The following CRPPA variants were observed in gnomAD, a reference collection of about 807,000 sequenced individuals.
CRPPA encodes the protein CDP-L-ribitol pyrophosphorylase A, also known as D-ribitol-5-phosphate cytidylyltransferase.
CRPPA carries 43 observed loss-of-function variants against 52.0 expected under a neutral mutation model. That is an observed-to-expected ratio of 0.83 (90% CI 0.65 to 1.07). The LOEUF is 1.07. Ranked by LOEUF, CRPPA falls within the 50% of genes least tolerant of loss-of-function variation. The pLI, the probability that CRPPA is intolerant of heterozygous loss-of-function variation, is 0.00. For missense variants in CRPPA, 629 were observed against 551.7 expected (o/e 1.14, Z -1.40); for synonymous variants, 250 against 203.5 (o/e 1.23, Z -1.94).
At chr7:16,244,745 G>A (rs1783222020) in intron 8 of CRPPA, among the ~76,000 whole-genome samples, 1 of 152,042 alleles carries the variant, frequency 6.6e-6, no homozygotes, top group Non-Finnish European at 1.5e-5. Context: ...ATTTTACTTG[G>A]CTACTTCAGA....
chr7:16,253,942 C>A (rs1783536072), intron 8 of CRPPA, among the ~76,000 whole-genome samples: 1 of 152,128 alleles, frequency 6.6e-6, no homozygotes, highest in Non-Finnish European at 1.5e-5. Context: ...GGTACAGACA[C>A]TTCTCAAAAG....
At position 16,164,662 on chromosome 7, in the gene CRPPA, T is replaced by C. The variant is rs891818330; in HGVS notation, c.1251+51404A>G. Among the ~76,000 whole-genome samples, 8 of 152,304 alleles carry C rather than the reference T, an allele frequency of 5.3e-5. No homozygotes were observed. In the East Asian group the frequency reaches 7.7e-4, roughly 15 times the overall value. On this transcript the variant is annotated intron_variant, in intron 9 of 9. Transcript: ENST00000407010. The stretch of plus-strand genomic sequence containing the variant: ...TCATGGATATATCTACCTTTGGTTT[T>C]TGATGTTGGTGACTTTCGGATGGGG...
At chr7:16,376,848 G>C (rs1786901372) in intron 2 of CRPPA, among the ~76,000 whole-genome samples, 1 of 152,160 alleles carries the variant, frequency 6.6e-6, no homozygotes, top group Non-Finnish European at 1.5e-5. Context: ...AGTTGCATCT[G>C]AACTTTAGAA....
intron 3 of CRPPA, among the ~76,000 whole-genome samples, chr7:16,317,627 A>G (rs1307559174): frequency 6.6e-6 from 1 of 152,172 alleles, no homozygotes; most frequent in East Asian, 1.9e-4. Context: ...GTGGGTGCAC[A>G]TGTGATCACA....
At chr7:16,399,755 C>A (rs1483561294) in intron 2 of CRPPA, among the ~76,000 whole-genome samples, 1 of 152,030 alleles carries the variant, frequency 6.6e-6, no homozygotes, top group East Asian at 1.9e-4. Flanking sequence ...TGACACGTTT[C>A]TCACAAGTGA....
intron 2 of CRPPA, among the ~76,000 whole-genome samples, chr7:16,387,939 G>C (rs1016193523): frequency 6.6e-6 from 1 of 152,170 alleles, no homozygotes; most frequent in Non-Finnish European, 1.5e-5. Flanking sequence ...TAGTCTCTTA[G>C]AATAGAATAA....
At chr7:16,179,493 G>A (rs1781369290) in intron 9 of CRPPA, among the ~76,000 whole-genome samples, 2 of 151,986 alleles carry the variant, frequency 1.3e-5, no homozygotes. Flanking sequence ...GAGGTAGATG[G>A]GTAAGAGAGA....
chr7:16,185,812 A>G (rs996327766), intron 9 of CRPPA, among the ~76,000 whole-genome samples: 5 of 152,186 alleles, frequency 3.3e-5, no homozygotes, highest in Non-Finnish European at 7.3e-5. Context: ...TGAACAAGGG[A>G]AAAAAGTGGC....
chr7:16,328,710 T>G (rs947927375), intron 3 of CRPPA, among the ~76,000 whole-genome samples: 17 of 152,260 alleles, frequency 1.1e-4, no homozygotes, highest in Non-Finnish European at 1.9e-4. Flanking sequence ...ACATGGGGTT[T>G]CACCATGTTG....
Position 16,370,395 on chromosome 7 carries a change from C to T in CRPPA, c.684+5697G>A, listed in dbSNP as rs116003957. 3.2e-3 allele frequency among the ~76,000 whole-genome samples: 493 copies of T among 152,250 alleles called. 2 individuals carry two copies. The highest frequency in any genetic ancestry group is 0.011 in the African/African-American group (467 of 41,552). ...CAGAGTCTGTGTCAGTCCCCTGCCA[C>T]CTCCATCAGAGCTGAACCCACTGCT... On this transcript the variant is annotated intron_variant, in intron 3 of 9. Transcript: ENST00000407010.
intron 8 of CRPPA, among the ~76,000 whole-genome samples, chr7:16,248,526 T>C (rs1583464039): frequency 6.6e-6 from 1 of 152,074 alleles, no homozygotes; most frequent in Non-Finnish European, 1.5e-5. Flanking sequence ...ATATATCTGA[T>C]AGGCTAAATT....
At chr7:16,099,428 G>C (rs566425733) in intron 9 of CRPPA, among the ~76,000 whole-genome samples, 1 of 141,040 alleles carries the variant, frequency 7.1e-6, no homozygotes, top group South Asian at 2.5e-4. Flanking sequence ...GGGAGGGAAG[G>C]GGAGGGAAAA....
chr7:16,282,993 T>C (rs1450400942), intron 5 of CRPPA, among the ~76,000 whole-genome samples: 2 of 152,068 alleles, frequency 1.3e-5, no homozygotes, highest in African/African-American at 4.8e-5. Context: ...AACATAAATA[T>C]CTTGTTTTCC....
intron 5 of CRPPA, among the ~76,000 whole-genome samples, chr7:16,279,508 C>CA (rs990725633): frequency 2.0e-5 from 3 of 151,942 alleles, no homozygotes; most frequent in East Asian, 3.9e-4. Flanking sequence ...GATTCAAATC[C>CA]AAAAAAATAA....
chr7:16,327,416 C>A (rs1234524627), intron 3 of CRPPA, among the ~76,000 whole-genome samples: 1 of 151,764 alleles, frequency 6.6e-6, no homozygotes, highest in African/African-American at 2.4e-5. Flanking sequence ...CAAGGTGAAA[C>A]CCCGTCTCTA....
At chr7:16,247,022 C>T (rs1783295622) in intron 8 of CRPPA, among the ~76,000 whole-genome samples, 1 of 152,252 alleles carries the variant, frequency 6.6e-6, no homozygotes. Flanking sequence ...AGAAGGCTGT[C>T]TCATCTACAT....
intron 8 of CRPPA, among the ~76,000 whole-genome samples, chr7:16,240,467 A>G (rs1783073237): frequency 6.6e-6 from 1 of 152,008 alleles, no homozygotes; most frequent in African/African-American, 2.4e-5. Context: ...TGATTAAAAA[A>G]AAATTGGAAG....
chr7:16,337,842 A>G (rs1785726134), intron 3 of CRPPA, among the ~76,000 whole-genome samples: 2 of 152,168 alleles, frequency 1.3e-5, no homozygotes, highest in Admixed American at 6.5e-5. Flanking sequence ...AATTAAGGAC[A>G]CTGCAATCAG....
At chr7:16,126,281 C>T (rs777915425) in intron 9 of CRPPA, among the ~76,000 whole-genome samples, 9 of 152,082 alleles carry the variant, frequency 5.9e-5, no homozygotes, top group Non-Finnish European at 1.2e-4. Flanking sequence ...CATGTGGGCA[C>T]TTTGTCCAGA....
Sources: allele counts gnomAD v4.1 joint callset (sites outside exome capture counted in the v4.1 genomes callset), GRCh38; gene constraint gnomAD v4.1.1; transcripts MANE v1.5; gene names NCBI Gene and HGNC (gene_info 2026-07-23, HGNC 2026-07-21).